The following ADCY2 variants were observed in gnomAD, a reference collection of about 807,000 sequenced individuals.
ADCY2 encodes adenylate cyclase type 2.
Under a neutral mutation model 125.2 loss-of-function variants are expected in ADCY2, and 31 were observed. That is an observed-to-expected ratio of 0.25 (90% CI 0.19 to 0.33). The LOEUF is 0.33. ADCY2 is among the 10% of genes least tolerant of loss of function. The pLI is 1.00. For missense variants in ADCY2, 904 were observed against 1,418.2 expected (o/e 0.64, Z 5.82); for synonymous variants, 512 against 548.4 (o/e 0.93, Z 0.93).
chr5:7,530,950 C>A (rs1734619417), intron 3 of ADCY2, among the ~76,000 whole-genome samples: 3 of 152,140 alleles, frequency 2.0e-5, no homozygotes, highest in Admixed American at 1.3e-4. Flanking sequence ...AAGGAGCTCC[C>A]ATAGGACCCC....
At chr5:7,543,203 G>T (rs1735047513) in intron 3 of ADCY2, among the ~76,000 whole-genome samples, 1 of 152,060 alleles carries the variant, frequency 6.6e-6, no homozygotes, top group South Asian at 2.1e-4. Flanking sequence ...TTCTTATAAG[G>T]TATCAAGCAA....
chr5:7,629,767 A>G (rs1738256614), intron 4 of ADCY2, among the ~76,000 whole-genome samples: 3 of 152,194 alleles, frequency 2.0e-5, no homozygotes, highest in African/African-American at 7.2e-5. Flanking sequence ...GGCTCTTATC[A>G]GACCTGAGAA....
In ADCY2 at chr5:7,457,406, C is replaced by T. The variant is rs376208433; in HGVS notation, c.408+42636C>T. On this transcript the variant is annotated intron_variant, in intron 2 of 24. Transcript: ENST00000338316. The stretch of plus-strand genomic sequence containing the variant: ...GGTGCCCTCAGCTGCAGAGCCTGGT[C>T]TGTCCCATCTGTGGCCTTTCTTCCT... 2.4e-4 allele frequency among the ~76,000 whole-genome samples: 37 copies of T among 152,300 alleles called. 1 individual carries two copies. The South Asian group carries it at 6.8e-3, about 28-fold the overall frequency.
chr5:7,646,219 A>T (rs1237297108), intron 4 of ADCY2, among the ~76,000 whole-genome samples: 1 of 152,094 alleles, frequency 6.6e-6, no homozygotes, highest in Non-Finnish European at 1.5e-5. Flanking sequence ...TAATTAAAAC[A>T]GCAAGAATAA....
chr5:7,396,353 G>A lies in ADCY2; in HGVS notation c.57G>A (p.Ala19=), dbSNP rs202241229. 9.0e-4 allele frequency: 1,396 copies of A among 1,544,566 alleles called. 23 individuals carry two copies. The East Asian group carries it at 0.033, about 37-fold the overall frequency. Residue 19 remains alanine (A), a synonymous_variant, in exon 1 of 25, where the codon GCG becomes GCA. Transcript: ENST00000338316. The surrounding 1 kb of genome is among the most constrained non-coding windows in gnomAD (Gnocchi z 5.7). ...ACCTGCGGGACCGCTCCGAGGAGGCGGCGGGCGGCGGAGACGGGCTGCCGC... is the reference window on the plus strand; with the variant it reads ...ACCTGCGGGACCGCTCCGAGGAGGCAGCGGGCGGCGGAGACGGGCTGCCGC... The part of the protein sequence containing the change: ...RRYLRDRSEE[A]AGGGDGLPRS...
chr5:7,652,396 T>G (rs1739126947), intron 4 of ADCY2, among the ~76,000 whole-genome samples: 1 of 152,142 alleles, frequency 6.6e-6, no homozygotes, highest in African/African-American at 2.4e-5. Flanking sequence ...AAAAACTCAG[T>G]TTTCAAGTGT....
Position 7,465,065 on chromosome 5 carries a change from C to T in ADCY2, c.408+50295C>T, listed in dbSNP as rs545974622. ...AAACCATTAGATCTCATGAGACTTA[C>T]TCACTACTATGAGAACAGTATGGGG... On this transcript the variant is annotated intron_variant, in intron 2 of 24. Coordinates refer to ENST00000338316, the MANE Select transcript of ADCY2 (RefSeq NM_020546.3). Among the ~76,000 whole-genome samples, 169 of 152,286 alleles carry T rather than the reference C, an allele frequency of 1.1e-3. 2 individuals carry two copies. Among genetic ancestry groups the T allele is most frequent in the Non-Finnish European group, 1.5e-3 (105 of 68,018 alleles).
chr5:7,508,946 C>T (rs1743951724), intron 2 of ADCY2, among the ~76,000 whole-genome samples: 3 of 152,104 alleles, frequency 2.0e-5, no homozygotes, highest in Admixed American at 6.6e-5. Flanking sequence ...GCTTTAACTA[C>T]GAAGATGGAG....
chr5:7,655,746 T>G (rs1474776325), intron 4 of ADCY2, among the ~76,000 whole-genome samples: 1 of 152,184 alleles, frequency 6.6e-6, no homozygotes, highest in Non-Finnish European at 1.5e-5. Flanking sequence ...GTGGCCCAAT[T>G]AACAGAACTA....
chr5:7,592,697 T>G (rs1210832942), intron 3 of ADCY2, among the ~76,000 whole-genome samples: 1 of 152,184 alleles, frequency 6.6e-6, no homozygotes, highest in Non-Finnish European at 1.5e-5. Context: ...CAATCATCAG[T>G]TAACTGTTAC....
intron 3 of ADCY2, among the ~76,000 whole-genome samples, chr5:7,589,005 C>G (rs1236472191): frequency 6.6e-6 from 1 of 152,182 alleles, no homozygotes; most frequent in Non-Finnish European, 1.5e-5. Flanking sequence ...CACTATCCAA[C>G]AGCTAAAATA....
intron 3 of ADCY2, among the ~76,000 whole-genome samples, chr5:7,614,986 G>T (rs1737701953): frequency 6.6e-6 from 1 of 152,188 alleles, no homozygotes; most frequent in Non-Finnish European, 1.5e-5. Context: ...TCTACAGGAA[G>T]CATGGCCGAG....
At chr5:7,518,049 G>A (rs903647364) in intron 2 of ADCY2, among the ~76,000 whole-genome samples, 14 of 152,116 alleles carry the variant, frequency 9.2e-5, no homozygotes, top group Admixed American at 9.2e-4. Flanking sequence ...CTGTAAATTG[G>A]GAGGGCAACA....
intron 14 of ADCY2, among the ~76,000 whole-genome samples, chr5:7,739,078 A>G (rs770951844): frequency 1.3e-5 from 2 of 151,886 alleles, no homozygotes; most frequent in Admixed American, 6.6e-5. Context: ...GTTTCATAAA[A>G]CACTAAACTG....
chr5:7,774,440 G>A (rs541404988), intron 18 of ADCY2, among the ~76,000 whole-genome samples: 1 of 152,258 alleles, frequency 6.6e-6, no homozygotes, highest in South Asian at 2.1e-4. Flanking sequence ...AATAAATGTA[G>A]CATTATTGAT....
intron 2 of ADCY2, among the ~76,000 whole-genome samples, chr5:7,501,611 C>CTCATA (rs1554014523): frequency 7.9e-6 from 1 of 125,800 alleles, no homozygotes; most frequent in Non-Finnish European, 1.6e-5. Context: ...TAGATGTTTC[C>CTCATA]TCATATCCCA....
chr5:7,679,508 G>T (rs1410503292), intron 4 of ADCY2, among the ~76,000 whole-genome samples: 1 of 152,216 alleles, frequency 6.6e-6, no homozygotes, highest in Non-Finnish European at 1.5e-5. Flanking sequence ...CAGGAGGAGA[G>T]AAGCCAGTTA....
At chr5:7,695,476 T>C (rs1579325054) in intron 5 of ADCY2, among the ~76,000 whole-genome samples, 1 of 152,222 alleles carries the variant, frequency 6.6e-6, no homozygotes, top group Non-Finnish European at 1.5e-5. Flanking sequence ...AGAGGATTAT[T>C]TTTCCAGTTT....
At chr5:7,675,300 A>C (rs1178265943) in intron 4 of ADCY2, among the ~76,000 whole-genome samples, 1 of 152,246 alleles carries the variant, frequency 6.6e-6, no homozygotes, top group Non-Finnish European at 1.5e-5. Flanking sequence ...TTATCAAAAA[A>C]TGGAACCATA....
Sources: gnomAD v4.1 joint callset for allele counts (sites outside exome capture counted in the v4.1 genomes callset) on GRCh38, gnomAD v4.1.1 for gene constraint, Gnocchi (gnomAD v3.1) non-coding constraint, MANE v1.5 for transcripts, NCBI Gene and HGNC (gene_info 2026-07-23, HGNC 2026-07-21) for gene names.